Variants in PTPRT observed in about 807,000 individuals in gnomAD.
PTPRT encodes protein tyrosine phosphatase receptor type T.
PTPRT carries 56 observed loss-of-function variants against 176.8 expected under a neutral mutation model. That is an observed-to-expected ratio of 0.32 (90% CI 0.26 to 0.40). The LOEUF (loss-of-function observed/expected upper bound fraction) is 0.40. Among genes scored for constraint, PTPRT ranks in the 10% least tolerant of loss-of-function variants. The pLI is 1.00. For missense variants in PTPRT, 1,540 were observed against 1,908.2 expected, an observed-to-expected ratio of 0.81 and a Z score of 3.60; for synonymous variants, 783 against 739.0, an observed-to-expected ratio of 1.06 and a Z score of -0.96.
intron 7 of PTPRT, among the ~76,000 whole-genome samples, chr20:42,637,940 T>C (rs1423635927): frequency 1.3e-5 from 2 of 152,140 alleles, no homozygotes; most frequent in African/African-American, 2.4e-5. Context: ...ATGTACACTA[T>C]ATGAGAGAAT....
At chr20:42,907,594 G>A (rs932612584) in intron 1 of PTPRT, among the ~76,000 whole-genome samples, 2 of 152,092 alleles carry the variant, frequency 1.3e-5, no homozygotes, top group Admixed American at 6.6e-5. Flanking sequence ...TGAAGTGGAG[G>A]AATTTCGGAA....
chr20:42,918,246 G>T (rs566362661), intron 1 of PTPRT, among the ~76,000 whole-genome samples: 2 of 152,212 alleles, frequency 1.3e-5, no homozygotes, highest in African/African-American at 2.4e-5. Context: ...TGTTGGCAGG[G>T]TTGAACTTCA....
At chr20:43,044,752 T>C (rs1009834204) in intron 1 of PTPRT, among the ~76,000 whole-genome samples, 1 of 152,216 alleles carries the variant, frequency 6.6e-6, no homozygotes, top group Non-Finnish European at 1.5e-5. Flanking sequence ...TCCTAAGTAG[T>C]AGACAGCCAG....
intron 6 of PTPRT, among the ~76,000 whole-genome samples, chr20:42,714,683 G>A (rs901792649): frequency 1.3e-5 from 2 of 152,164 alleles, no homozygotes; most frequent in Non-Finnish European, 2.9e-5. Context: ...ATACAGAAGT[G>A]AGACTCATGT....
chr20:42,034,184 C>G, the PTPRT span, among the ~76,000 whole-genome samples: 1 of 152,132 alleles, frequency 6.6e-6, no homozygotes, highest in Non-Finnish European at 1.5e-5. Context: ...ACTGCAGTCT[C>G]ACCTGAAGGA....
intron 5 of PTPRT, among the ~76,000 whole-genome samples, chr20:42,771,156 G>A (rs746508140): frequency 2.6e-5 from 4 of 152,048 alleles, no homozygotes; most frequent in South Asian, 2.1e-4. Context: ...GACACATCCC[G>A]CCAGACAAGT....
intron 7 of PTPRT, among the ~76,000 whole-genome samples, chr20:42,535,428 GT>G (rs1347109470): frequency 1.3e-5 from 2 of 152,100 alleles, no homozygotes; most frequent in Non-Finnish European, 2.9e-5. Flanking sequence ...GTAATATGCA[GT>G]TTACCTATAT....
intron 12 of PTPRT, among the ~76,000 whole-genome samples, chr20:42,310,779 A>T (rs1208815095): frequency 6.6e-6 from 1 of 152,200 alleles, no homozygotes; most frequent in Non-Finnish European, 1.5e-5. Flanking sequence ...GGCACCAAAG[A>T]CAGTGTGCCA....
At chr20:42,488,449 T>C (rs1225616191) in intron 7 of PTPRT, among the ~76,000 whole-genome samples, 2 of 152,162 alleles carry the variant, frequency 1.3e-5, no homozygotes, top group African/African-American at 2.4e-5. Context: ...GCACTACGTA[T>C]TTTTTACCAT....
chr20:42,172,706 A>G (rs1442674139), intron 16 of PTPRT, among the ~76,000 whole-genome samples: 1 of 152,186 alleles, frequency 6.6e-6, no homozygotes, highest in African/African-American at 2.4e-5. Context: ...TTCAGATTTC[A>G]TTAGTTTTAC....
intron 2 of PTPRT, among the ~76,000 whole-genome samples, chr20:42,807,757 T>C (rs2077633286): frequency 6.6e-6 from 1 of 152,242 alleles, no homozygotes; most frequent in Non-Finnish European, 1.5e-5. Context: ...TATCCATTCA[T>C]TTGTTCACTC....
rs969768520 is a variant in PTPRT at position 43,158,037 on chromosome 20, G to C, written c.88+31609C>G. On this transcript the variant is annotated intron_variant, in intron 1 of 30. Coordinates refer to ENST00000373187, the MANE Select transcript of PTPRT (RefSeq NM_007050.6). The stretch of plus-strand genomic sequence containing the variant: ...CCATCTTGAGAGTAGATTCTGTCAA[G>C]ACAAGGCAGAAGAAGGAAGACTGAT... 2.5e-3 allele frequency among the ~76,000 whole-genome samples: 34 copies of C among 13,870 alleles called. 2 individuals are homozygous for C. In the East Asian group the frequency reaches 0.42, roughly 173 times the overall value. 9.1% of individuals were successfully genotyped at this position (13,870 alleles called of 152,430 possible). A position where few individuals can be genotyped will look rare whatever the true frequency, so the allele number is the denominator to read the frequency against.
At chr20:42,875,004 C>T (rs959224696) in intron 2 of PTPRT, among the ~76,000 whole-genome samples, 5 of 152,126 alleles carry the variant, frequency 3.3e-5, no homozygotes, top group African/African-American at 1.2e-4. Flanking sequence ...TATTCTAACT[C>T]GTCAAATGCA....
chr20:42,897,013 A>G (rs1249218817), intron 1 of PTPRT, among the ~76,000 whole-genome samples: 1 of 152,192 alleles, frequency 6.6e-6, no homozygotes, highest in East Asian at 1.9e-4. Context: ...TAAGTGCACA[A>G]ATATGGTAAG....
At chr20:43,110,223 C>T (rs1004249322) in intron 1 of PTPRT, among the ~76,000 whole-genome samples, 3 of 152,066 alleles carry the variant, frequency 2.0e-5, no homozygotes, top group African/African-American at 7.2e-5. Context: ...TGAGGAAATG[C>T]CAGGTTCTTT....
At chr20:42,722,303 C>T (rs1216887896) in intron 6 of PTPRT, among the ~76,000 whole-genome samples, 7 of 152,198 alleles carry the variant, frequency 4.6e-5, no homozygotes, top group African/African-American at 1.7e-4. Flanking sequence ...ACTGTCTCCA[C>T]TGCCTCACAC....
chr20:43,078,604 G>C (rs2011345700), intron 1 of PTPRT, among the ~76,000 whole-genome samples: 1 of 152,094 alleles, frequency 6.6e-6, no homozygotes, highest in Non-Finnish European at 1.5e-5. Flanking sequence ...GGAGGGCTGG[G>C]AAACAACAAA....
intron 7 of PTPRT, among the ~76,000 whole-genome samples, chr20:42,562,923 G>T (rs938809485): frequency 2.6e-5 from 4 of 152,084 alleles, no homozygotes; most frequent in Non-Finnish European, 5.9e-5. Flanking sequence ...ATTCTAGAAA[G>T]ATTAAAAACT....
At chr20:42,328,915 C>T (rs2057924112) in intron 11 of PTPRT, among the ~76,000 whole-genome samples, 1 of 152,056 alleles carries the variant, frequency 6.6e-6, no homozygotes, top group Non-Finnish European at 1.5e-5. Flanking sequence ...GATAATAAAA[C>T]TTAATTAAAG....
Sources: allele counts gnomAD v4.1 joint callset (sites outside exome capture counted in the v4.1 genomes callset), GRCh38; gene constraint gnomAD v4.1.1; transcripts MANE v1.5; gene names NCBI Gene and HGNC (gene_info 2026-07-23, HGNC 2026-07-21).